The following DHX37 variants were observed in gnomAD, a reference collection of about 807,000 sequenced individuals.
DHX37 encodes probable ATP-dependent RNA helicase DHX37.
A neutral mutation model predicts 134.3 loss-of-function variants in DHX37; 52 were observed. That is an observed-to-expected ratio of 0.39 (90% CI 0.31 to 0.49). The LOEUF is 0.49. DHX37 is among the 20% of genes least tolerant of loss of function. The pLI, the probability that DHX37 is intolerant of heterozygous loss-of-function variation, is 0.93. For missense variants in DHX37, 1,344 were observed against 1,580.8 expected (o/e 0.85, Z 2.54); for synonymous variants, 634 against 670.7 (o/e 0.95, Z 0.85).
intron 25 of DHX37, 44 bp from the exon 26 acceptor site, chr12:124,948,225 A>G (rs1334012436): frequency 1.9e-6 from 3 of 1,594,050 alleles, no homozygotes; most frequent in African/African-American, 2.7e-5. Flanking sequence ...GCCAGGGCAC[A>G]GACCGGCTGC....
chr12:124,984,949 C>T (rs1157242062), intron 2 of DHX37, among the ~76,000 whole-genome samples: 2 of 152,088 alleles, frequency 1.3e-5, no homozygotes, highest in African/African-American at 4.8e-5. Context: ...GACCTAAATC[C>T]AATGAGAAGC....
chr12:124,982,648 T>A, intron 2 of DHX37, 25 bp from the exon 3 acceptor site: 1 of 1,607,468 alleles, frequency 6.2e-7, no homozygotes, highest in Non-Finnish European at 8.5e-7. Flanking sequence ...GAGTGTATTA[T>A]GCATTTGCCA....
intron 15 of DHX37, among the ~76,000 whole-genome samples, chr12:124,963,861 CAG>C (rs1349504894): frequency 1.7e-5 from 2 of 119,634 alleles, no homozygotes; most frequent in African/African-American, 3.3e-5. Context: ...GCCTGGGCGA[CAG>C]AGTGAGACTC....
intron 1 of DHX37, among the ~76,000 whole-genome samples, chr12:124,987,537 G>A (rs1049425391): frequency 3.3e-5 from 5 of 152,134 alleles, no homozygotes; most frequent in South Asian, 2.1e-4. Context: ...CAGTGTCTAC[G>A]GCTGTCTTTG....
chr12:124,981,262 CG>C (rs767141022), intron 3 of DHX37, among the ~76,000 whole-genome samples: 11 of 135,692 alleles, frequency 8.1e-5, no homozygotes, highest in South Asian at 2.4e-4. Flanking sequence ...TCTCTGCACT[CG>C]ATAAACAGTC....
chr12:124,979,882 A>G (rs1295360973), intron 4 of DHX37, among the ~76,000 whole-genome samples: 1 of 152,216 alleles, frequency 6.6e-6, no homozygotes, highest in Non-Finnish European at 1.5e-5. Context: ...ACCCTGATGA[A>G]GACTTATAAA....
intron 5 of DHX37, 72 bp from the exon 6 acceptor site, chr12:124,975,583 C>T: frequency 3.9e-6 from 6 of 1,521,066 alleles, no homozygotes; most frequent in Non-Finnish European, 5.4e-6. Context: ...CATGCAGTTC[C>T]ACAGCAAGAT....
chr12:124,954,209 G>A lies in DHX37; in HGVS notation c.2456C>T (p.Pro819Leu), dbSNP rs1383440935. The A allele has an allele frequency of 6.3e-7, 1 of 1,592,276 alleles. No individual in the cohort carries two copies. The highest frequency in any genetic ancestry group is 8.5e-7 in the Non-Finnish European group (1 of 1,170,876). ...VRELFEELDR[P>L]AASDEELTRL... The stretch of plus-strand genomic sequence containing the variant: ...GGTGAGCTCCTCGTCACTGGCCGCT[G>A]GTCTGCAAACACACATACATACTGT... Residue 819 changes from proline (P) to leucine (L), a missense_variant and splice_region_variant, in exon 19 of 27, where the codon CCA becomes CTA. By Grantham distance (98) the Pro-to-Leu change is moderately conservative. Around this residue, in one of 7 missense-constraint regions of DHX37, gnomAD observed 558 missense variants for 650.0 expected, o/e 0.86. Transcript: ENST00000308736.
intron 16 of DHX37, 118 bp from the exon 17 acceptor site, chr12:124,957,253 A>G (rs1043002042): frequency 1.1e-6 from 1 of 946,776 alleles, no homozygotes; most frequent in African/African-American, 1.7e-5. Context: ...AGCTCATGCC[A>G]GTGGGGACAC....
intron 8 of DHX37, among the ~76,000 whole-genome samples, chr12:124,971,051 T>C (rs1954512023): frequency 2.0e-5 from 3 of 152,158 alleles, no homozygotes; most frequent in Non-Finnish European, 4.4e-5. Context: ...TTGCTTTGGA[T>C]GGGGAGAAGG....
Position 124,953,920 on chromosome 12 carries a change from C to T in DHX37, c.2655G>A (p.Met885Ile), listed in dbSNP as rs773170866. 4 of 1,612,768 alleles carry T rather than the reference C, an allele frequency of 2.5e-6. No individual in the cohort carries two copies. The African/African-American group carries it at 4.0e-5, about 16-fold the overall frequency. ...GGCCCCGCAGGCGCCGGATCTCCAT[C>T]ATGGCTTTGTACCGCAGCCCGTTGG... ...CEANGLRYKA[M>I]MEIRRLRGQL... is the part of the protein sequence containing the mutation. The change falls in exon 20 of 27, where the codon ATG becomes ATA. Residue 885 changes from methionine (M) to isoleucine (I), a missense_variant. By Grantham distance (10) the Met-to-Ile change is conservative (BLOSUM62 1). Around this residue, in one of 7 missense-constraint regions of DHX37, gnomAD observed 558 missense variants for 650.0 expected, o/e 0.86. Coordinates refer to ENST00000308736, the MANE Select transcript of DHX37 (RefSeq NM_032656.4).
Position 124,952,564 on chromosome 12 carries a change from G to C in DHX37, c.2702C>G (p.Ala901Gly). ...LRGQLTTAVN[A>G]VCPEAELFVD... is the part of the protein sequence containing the mutation. ...GAAGAGCTCAGCCTCGGGGCACACG[G>C]CATTGACTGAGGGGAGAACCAAGAG... The change falls in exon 21 of 27, where the codon GCC becomes GGC. Residue 901 changes from alanine (A) to glycine (G), a missense_variant. Coordinates refer to ENST00000308736, the MANE Select transcript of DHX37 (RefSeq NM_032656.4). The C allele has an allele frequency of 2.5e-6, 4 of 1,583,602 alleles. No individual in the cohort carries two copies. Among genetic ancestry groups the C allele is most frequent in the Non-Finnish European group, 3.4e-6 (4 of 1,160,146 alleles).
At position 124,988,960 on chromosome 12, in the gene DHX37, C is replaced by T. The variant is rs1434551572; in HGVS notation, c.63G>A (p.Ser21=). The T allele has an allele frequency of 5.2e-6, 7 of 1,344,790 alleles. No homozygotes were observed. Among genetic ancestry groups the T allele is most frequent in the Non-Finnish European group, 4.8e-6 (5 of 1,039,198 alleles). The allele number at this position is 1,344,790 out of a possible 1,614,324, so 83.3% of individuals were successfully genotyped here. ...CGGGGGGCGGCTCGGGGGGGCCCTT[C>T]GAGGGTCCGGGGCCCGCCTGCTGGC... The part of the protein sequence containing the change: ...KGRQQAGPGP[S]KGPPEPPPVQ... Residue 21 remains serine, a synonymous_variant, in exon 1 of 27, where the codon TCG becomes TCA. Transcript: ENST00000308736.
Position 124,950,120 on chromosome 12 carries a change from T to C in DHX37, c.3216+29A>G, listed in dbSNP as rs1460780138. Reference sequence around the variant, plus strand: ...CTGCTGCTGCCCACGGTACCCGAGATGAGGGTCTGGAGCCGCTGTGCCACC... The same window carrying C: ...CTGCTGCTGCCCACGGTACCCGAGACGAGGGTCTGGAGCCGCTGTGCCACC... On this transcript the variant is annotated intron_variant, in intron 24 of 26. Coordinates refer to ENST00000308736, the MANE Select transcript of DHX37 (RefSeq NM_032656.4). The C allele has an allele frequency of 2.5e-6, 4 of 1,613,696 alleles. No homozygotes were observed. In the African/African-American group the frequency reaches 5.3e-5, roughly 22 times the overall value.
chr12:124,953,090 T>C (rs11057928), intron 20 of DHX37: 8,081 of 152,460 alleles, frequency 0.053, 275 homozygotes, highest in Middle Eastern at 0.13. Flanking sequence ...GGCTGCTGAC[T>C]CAAGTGACTT....
intron 15 of DHX37, among the ~76,000 whole-genome samples, chr12:124,962,607 G>A (rs1240968122): frequency 1.3e-5 from 2 of 152,236 alleles, no homozygotes; most frequent in Admixed American, 6.5e-5. Context: ...AGTGAGCTGA[G>A]ATTGAACCAT....
intron 15 of DHX37, among the ~76,000 whole-genome samples, chr12:124,961,947 A>AT (rs1462845480): frequency 6.6e-6 from 1 of 152,132 alleles, no homozygotes; most frequent in Non-Finnish European, 1.5e-5. Context: ...AAGCTTTCAT[A>AT]TTAAAAAAAA....
intron 18 of DHX37, among the ~76,000 whole-genome samples, chr12:124,955,697 T>C (rs1954079087): frequency 6.6e-6 from 1 of 152,254 alleles, no homozygotes; most frequent in African/African-American, 2.4e-5. Flanking sequence ...ACTCTGTCCG[T>C]GCAGAGCACA....
chr12:124,988,027 T>C (rs905914052), intron 1 of DHX37, among the ~76,000 whole-genome samples: 3 of 134,870 alleles, frequency 2.2e-5, no homozygotes, highest in African/African-American at 8.8e-5. Flanking sequence ...GGAGTCTCGC[T>C]CTCTCACCCA....
Sources: allele counts gnomAD v4.1 joint callset (sites outside exome capture counted in the v4.1 genomes callset), GRCh38; gene constraint gnomAD v4.1.1; regional missense constraint gnomAD v4.1.1; transcripts MANE v1.5; gene names NCBI Gene and HGNC (gene_info 2026-07-23, HGNC 2026-07-21).